The following RIMS2 variants were observed in gnomAD, a reference collection of about 807,000 sequenced individuals.
The protein encoded by RIMS2 is regulating synaptic membrane exocytosis protein 2.
RIMS2 carries 59 observed loss-of-function variants against 174.4 expected under a neutral mutation model. That is an observed-to-expected ratio of 0.34 (90% CI 0.27 to 0.42). The LOEUF is 0.42. RIMS2 is among the 10% of genes least tolerant of loss of function. RIMS2 has a pLI of 1.00. For synonymous variants in RIMS2, 606 were observed against 572.5 expected, an observed-to-expected ratio of 1.06 and a Z score of -0.84; for missense variants, 1,620 against 1,666.3, an observed-to-expected ratio of 0.97 and a Z score of 0.48.
At chr8:104,223,822 G>A (rs142985483) in intron 19 of RIMS2, 702 of 1,572,760 alleles carry the variant, frequency 4.5e-4, no homozygotes, top group Admixed American at 1.2e-3. Context: ...CGTAGTTGGT[G>A]TCTCTATCTG....
chr8:103,838,413 T>C (rs1379033618), intron 3 of RIMS2, among the ~76,000 whole-genome samples: 1 of 152,200 alleles, frequency 6.6e-6, no homozygotes, highest in Non-Finnish European at 1.5e-5. Flanking sequence ...TACGTGACCC[T>C]ACAGCATTAT....
chr8:103,665,404 G>T (rs1241049702), intron 1 of RIMS2, among the ~76,000 whole-genome samples: 1 of 152,184 alleles, frequency 6.6e-6, no homozygotes, highest in East Asian at 1.9e-4. Context: ...GTTAAAAAAA[G>T]AAATGTGTGA....
intron 19 of RIMS2, among the ~76,000 whole-genome samples, chr8:104,060,124 G>A (rs1307367119): frequency 1.3e-5 from 2 of 151,520 alleles, no homozygotes; most frequent in African/African-American, 4.9e-5. Context: ...TCTATTGATT[G>A]GAATAGTTTC....
At chr8:103,767,383 T>A (rs375188186) in intron 3 of RIMS2, among the ~76,000 whole-genome samples, 17 of 152,086 alleles carry the variant, frequency 1.1e-4, no homozygotes, top group African/African-American at 3.9e-4. Context: ...AGGCGGGGTT[T>A]CACCACGTTG....
At chr8:103,980,577 T>G (rs1470367866) in intron 16 of RIMS2, among the ~76,000 whole-genome samples, 1 of 152,140 alleles carries the variant, frequency 6.6e-6, no homozygotes. Context: ...GTCTTGCACC[T>G]TAGATGTCAG....
intron 15 of RIMS2, among the ~76,000 whole-genome samples, chr8:103,969,027 C>T (rs1299195255): frequency 1.3e-5 from 2 of 152,018 alleles, no homozygotes; most frequent in Non-Finnish European, 2.9e-5. Flanking sequence ...TCAAATATTT[C>T]ACTCCACTCT....
chr8:103,502,351 A>G (rs1820679486), intron 1 of RIMS2, among the ~76,000 whole-genome samples: 1 of 152,216 alleles, frequency 6.6e-6, no homozygotes, highest in South Asian at 2.1e-4. Flanking sequence ...ACCACTTTAA[A>G]TAATTTATAG....
At chr8:103,812,203 A>G (rs1251011498) in intron 3 of RIMS2, among the ~76,000 whole-genome samples, 3 of 152,002 alleles carry the variant, frequency 2.0e-5, no homozygotes, top group Non-Finnish European at 4.4e-5. Flanking sequence ...GTAGAAATGT[A>G]CTCGTCATCT....
intron 3 of RIMS2, among the ~76,000 whole-genome samples, chr8:103,778,172 T>C (rs76924120): frequency 5.9e-5 from 9 of 152,142 alleles, no homozygotes; most frequent in African/African-American, 1.9e-4. Flanking sequence ...TGGGGATACA[T>C]AGGATATTTT....
chr8:103,616,142 C>A (rs1589101399), intron 1 of RIMS2, among the ~76,000 whole-genome samples: 1 of 152,238 alleles, frequency 6.6e-6, no homozygotes, highest in African/African-American at 2.4e-5. Context: ...AAACTGAATC[C>A]AGCAGAACAA....
intron 2 of RIMS2, among the ~76,000 whole-genome samples, chr8:103,761,053 T>C (rs2098107305): frequency 6.6e-6 from 1 of 152,228 alleles, no homozygotes; most frequent in Non-Finnish European, 1.5e-5. Context: ...GTCACTGGTG[T>C]GTTCATACGT....
intron 7 of RIMS2, 74 bp from the exon 11 acceptor site, chr8:103,916,340 T>G: frequency 9.1e-7 from 1 of 1,096,762 alleles, no homozygotes; most frequent in Non-Finnish European, 1.3e-6. Context: ...TTATTGAAGT[T>G]TAAGATGCTC....
intron 4 of RIMS2, among the ~76,000 whole-genome samples, chr8:103,905,102 G>A (rs1331892436): frequency 6.6e-6 from 1 of 151,928 alleles, no homozygotes; most frequent in Non-Finnish European, 1.5e-5. Context: ...AACCACATCA[G>A]ACAATGTATG....
chr8:103,932,542 T>G (rs1275686280), intron 12 of RIMS2, among the ~76,000 whole-genome samples: 1 of 152,178 alleles, frequency 6.6e-6, no homozygotes, highest in African/African-American at 2.4e-5. Flanking sequence ...AGGTTGTCTT[T>G]TGGAGAGAGA....
At chr8:104,079,617 A>G (rs1165290856) in intron 19 of RIMS2, among the ~76,000 whole-genome samples, 3 of 130,892 alleles carry the variant, frequency 2.3e-5, no homozygotes, top group Non-Finnish European at 5.0e-5. Context: ...ATATATATAT[A>G]TATATATATA....
intron 2 of RIMS2, among the ~76,000 whole-genome samples, chr8:103,726,798 T>C (rs1353164876): frequency 2.7e-5 from 4 of 150,070 alleles, no homozygotes; most frequent in African/African-American, 9.7e-5. Flanking sequence ...AGTGGCGCGA[T>C]CTGGGCTCAC....
At chr8:103,593,018 GA>G (rs1257377335) in intron 1 of RIMS2, among the ~76,000 whole-genome samples, 4 of 151,306 alleles carry the variant, frequency 2.6e-5, no homozygotes, top group African/African-American at 9.7e-5. Context: ...TTATTTGAAA[GA>G]AGTGCCAAAC....
At chr8:104,101,732 T>C (rs1189349359) in intron 19 of RIMS2, among the ~76,000 whole-genome samples, 1 of 152,198 alleles carries the variant, frequency 6.6e-6, no homozygotes, top group Non-Finnish European at 1.5e-5. Context: ...TTTTTCTACT[T>C]CTATTTTATT....
chr8:104,036,989 G>A (rs765482190), intron 19 of RIMS2, among the ~76,000 whole-genome samples: 1 of 152,078 alleles, frequency 6.6e-6, no homozygotes, highest in African/African-American at 2.4e-5. Flanking sequence ...CATTTAATAG[G>A]TTGAAATTAT....
Sources: allele counts gnomAD v4.1 joint callset (sites outside exome capture counted in the v4.1 genomes callset), GRCh38; gene constraint gnomAD v4.1.1; transcripts MANE v1.5; gene names NCBI Gene and HGNC (gene_info 2026-07-23, HGNC 2026-07-21).